MIPOL1: variants seen among roughly 807,000 people sequenced by gnomAD.
MIPOL1 encodes the protein mirror-image polydactyly 1, also known as mirror-image polydactyly gene 1 protein.
MIPOL1 carries 57 observed loss-of-function variants against 60.9 expected under a neutral mutation model. That is an observed-to-expected ratio of 0.94 (90% CI 0.76 to 1.17). The LOEUF (loss-of-function observed/expected upper bound fraction) is 1.17. Ranked by LOEUF, MIPOL1 falls within the 50% of genes most tolerant of loss-of-function variation. MIPOL1 has a pLI of 0.00. For synonymous variants in MIPOL1, 179 were observed against 168.8 expected, an observed-to-expected ratio of 1.06 and a Z score of -0.47; for missense variants, 551 against 511.6, an observed-to-expected ratio of 1.08 and a Z score of -0.74.
intron 11 of MIPOL1, 90 bp downstream of exon 11, chr14:37,423,039 C>T (rs1258627332): frequency 2.6e-6 from 2 of 759,854 alleles, no homozygotes; most frequent in Admixed American, 2.7e-5. Context: ...GAGGAAATAC[C>T]TCAATGAAAT....
intron 6 of MIPOL1, among the ~76,000 whole-genome samples, chr14:37,272,269 A>G (rs773123890): frequency 6.6e-6 from 1 of 151,620 alleles, no homozygotes; most frequent in Non-Finnish European, 1.5e-5. Flanking sequence ...GAAAATTCCC[A>G]AAGTTGTTTT....
At chr14:37,333,117 A>G (rs1353630357) in intron 9 of MIPOL1, among the ~76,000 whole-genome samples, 8 of 152,116 alleles carry the variant, frequency 5.3e-5, no homozygotes, top group Non-Finnish European at 2.9e-5. Context: ...GCATTAATAA[A>G]TCTTTACCTT....
Position 37,430,516 on chromosome 14 carries a change from A to ATTTTTT in MIPOL1, c.1031+7567_1031+7568insTTTTTT, listed in dbSNP as rs1458151767. ...AATTAAAATAGTTTTTTTTTTTAAA[A>ATTTTTT]AAAAGTATACATTTTCTGTATGTCC... On this transcript the variant is annotated intron_variant, in intron 11 of 12. Coordinates refer to ENST00000684589, the MANE Select transcript of MIPOL1 (RefSeq NM_001388067.1). 3.7e-3 allele frequency among the ~76,000 whole-genome samples: 374 copies of ATTTTTT among 101,452 alleles called. 2 individuals carry two copies. The highest frequency in any genetic ancestry group is 0.017 in the Middle Eastern group (3 of 176). 66.6% of individuals were successfully genotyped at this position (101,452 alleles called of 152,430 possible).
intron 12 of MIPOL1, among the ~76,000 whole-genome samples, chr14:37,531,716 A>G (rs949139333): frequency 6.6e-6 from 1 of 152,192 alleles, no homozygotes; most frequent in Non-Finnish European, 1.5e-5. Flanking sequence ...ATCCTTGAGG[A>G]TTTTGTCAGG....
At chr14:37,326,088 G>T (rs1567477802) in intron 9 of MIPOL1, among the ~76,000 whole-genome samples, 1 of 152,104 alleles carries the variant, frequency 6.6e-6, no homozygotes, top group Non-Finnish European at 1.5e-5. Flanking sequence ...TAATTCTTGG[G>T]CCCATGAATC....
intron 11 of MIPOL1, among the ~76,000 whole-genome samples, chr14:37,461,724 A>C (rs564400175): frequency 6.6e-6 from 1 of 152,338 alleles, no homozygotes; most frequent in Admixed American, 6.5e-5. Context: ...GACCCATGCA[A>C]GTCCAAAATC....
chr14:37,477,047 T>C (rs2094787902), intron 11 of MIPOL1, among the ~76,000 whole-genome samples: 1 of 151,844 alleles, frequency 6.6e-6, no homozygotes, highest in Admixed American at 6.6e-5. Context: ...ATTACAGGCG[T>C]GTACCACACG....
intron 10 of MIPOL1, among the ~76,000 whole-genome samples, chr14:37,378,864 A>T (rs1950517): frequency 3.3e-5 from 5 of 151,858 alleles, no homozygotes; most frequent in Non-Finnish European, 7.4e-5. Flanking sequence ...AAAGGCACTA[A>T]GACTATATGA....
intron 12 of MIPOL1, among the ~76,000 whole-genome samples, chr14:37,521,305 G>A (rs949585357): frequency 3.9e-5 from 6 of 152,074 alleles, no homozygotes; most frequent in Admixed American, 2.0e-4. Context: ...AGCACATTGT[G>A]GGTGTTTTGG....
intron 12 of MIPOL1, among the ~76,000 whole-genome samples, chr14:37,515,691 G>T (rs984309511): frequency 3.3e-5 from 5 of 152,068 alleles, no homozygotes; most frequent in Non-Finnish European, 5.9e-5. Context: ...TTCACATAAC[G>T]TCCAAGAAGT....
intron 10 of MIPOL1, among the ~76,000 whole-genome samples, chr14:37,382,536 A>G (rs1327516794): frequency 6.6e-6 from 1 of 151,964 alleles, no homozygotes; most frequent in Non-Finnish European, 1.5e-5. Context: ...TTATTTTAAT[A>G]TTTTTGACAT....
At chr14:37,499,741 G>A (rs1456279135) in intron 11 of MIPOL1, among the ~76,000 whole-genome samples, 167 bp from the exon 12 acceptor site, 2 of 152,094 alleles carry the variant, frequency 1.3e-5, no homozygotes, top group African/African-American at 4.8e-5. Flanking sequence ...TAGAAGCAGA[G>A]AAATTATCAA....
chr14:37,322,727 G>T (rs1409348331), intron 9 of MIPOL1, among the ~76,000 whole-genome samples: 4 of 152,084 alleles, frequency 2.6e-5, no homozygotes, highest in African/African-American at 9.7e-5. Context: ...CTAATGACCA[G>T]TGATGATGAG....
chr14:37,433,743 A>G (rs890143501), intron 11 of MIPOL1, among the ~76,000 whole-genome samples: 4 of 151,820 alleles, frequency 2.6e-5, no homozygotes, highest in African/African-American at 9.7e-5. Flanking sequence ...TTTAGTAGAG[A>G]CGGGGTTTCA....
chr14:37,273,392 T>C (rs1215337709), intron 6 of MIPOL1, among the ~76,000 whole-genome samples: 2 of 151,046 alleles, frequency 1.3e-5, no homozygotes, highest in Non-Finnish European at 3.0e-5. Context: ...TTTTAGAAAT[T>C]ACTTGCACTC....
chr14:37,522,653 A>G (rs1042133647), intron 12 of MIPOL1, among the ~76,000 whole-genome samples: 2 of 152,218 alleles, frequency 1.3e-5, no homozygotes, highest in African/African-American at 4.8e-5. Context: ...AGTTAAAAGC[A>G]AACTGTGAAT....
chr14:37,286,737 T>C (rs865859699), intron 7 of MIPOL1, among the ~76,000 whole-genome samples: 8 of 152,202 alleles, frequency 5.3e-5, no homozygotes, highest in Middle Eastern at 3.4e-3. Flanking sequence ...TGAAGATTGA[T>C]AGGCTCATTA....
intron 9 of MIPOL1, among the ~76,000 whole-genome samples, chr14:37,344,413 CT>C (rs1248938117): frequency 4.0e-5 from 6 of 151,596 alleles, no homozygotes; most frequent in African/African-American, 9.7e-5. Context: ...CCTTTGTTTT[CT>C]TTTTTTCCGT....
At chr14:37,449,004 C>G (rs2094379566) in intron 11 of MIPOL1, among the ~76,000 whole-genome samples, 1 of 152,066 alleles carries the variant, frequency 6.6e-6, no homozygotes, top group Non-Finnish European at 1.5e-5. Context: ...TCATTTTTGA[C>G]TCTGTATCTT....
Sources: gnomAD v4.1 joint callset for allele counts (sites outside exome capture counted in the v4.1 genomes callset) on GRCh38, gnomAD v4.1.1 for gene constraint, MANE v1.5 for transcripts, NCBI Gene and HGNC (gene_info 2026-07-23, HGNC 2026-07-21) for gene names.